The following NDUFS4 variants were observed in gnomAD, a reference collection of about 807,000 sequenced individuals.
NDUFS4 encodes the protein NADH dehydrogenase [ubiquinone] iron-sulfur protein 4, mitochondrial.
NDUFS4 carries 28 observed loss-of-function variants against 24.3 expected under a neutral mutation model. That is an observed-to-expected ratio of 1.15 (90% confidence interval 0.85 to 1.58). The LOEUF (loss-of-function observed/expected upper bound fraction) is 1.58. Ranked by LOEUF, NDUFS4 falls within the 40% of genes most tolerant of loss-of-function variation. The pLI is 0.00. For synonymous variants in NDUFS4, 93 were observed against 69.7 expected (o/e 1.34, Z -1.67); for missense variants, 223 against 207.9 (o/e 1.07, Z -0.45).
chr5:53,609,395 C>CT (rs1750629092), intron 2 of NDUFS4, among the ~76,000 whole-genome samples: 1 of 152,092 alleles, frequency 6.6e-6, no homozygotes, highest in African/African-American at 2.4e-5. Flanking sequence ...TGAAAATAAT[C>CT]TTTTTTTCTG....
intron 4 of NDUFS4, among the ~76,000 whole-genome samples, chr5:53,659,004 C>A (rs1310589361): frequency 6.6e-6 from 1 of 152,036 alleles, no homozygotes; most frequent in Non-Finnish European, 1.5e-5. Flanking sequence ...GTTCTTTCAG[C>A]CAAACGTAAT....
At chr5:53,646,053 A>G (rs1418597738) in intron 2 of NDUFS4, 180 bp from the exon 3 acceptor site, 3 of 553,520 alleles carry the variant, frequency 5.4e-6, no homozygotes, top group East Asian at 6.7e-5. Flanking sequence ...AACCATTTAC[A>G]GGTATCTAAA....
chr5:53,648,540 T>C (rs367953933), intron 3 of NDUFS4, among the ~76,000 whole-genome samples: 18 of 152,218 alleles, frequency 1.2e-4, no homozygotes, highest in Admixed American at 7.9e-4. Flanking sequence ...GATTTCCCAA[T>C]GCACCTTATT....
intron 4 of NDUFS4, among the ~76,000 whole-genome samples, chr5:53,678,287 G>C (rs1219124523): frequency 6.6e-6 from 1 of 152,134 alleles, no homozygotes; most frequent in Admixed American, 6.6e-5. Flanking sequence ...TGATACTAGG[G>C]CTTAAAGTTC....
intron 2 of NDUFS4, among the ~76,000 whole-genome samples, chr5:53,640,112 G>T (rs1027836234): frequency 1.6e-4 from 25 of 151,736 alleles, no homozygotes; most frequent in African/African-American, 6.0e-4. Flanking sequence ...AGCATTACGT[G>T]GTTGCTTTTG....
At chr5:53,663,538 T>C (rs975085811) in intron 4 of NDUFS4, among the ~76,000 whole-genome samples, 23 of 152,200 alleles carry the variant, frequency 1.5e-4, no homozygotes, top group African/African-American at 5.5e-4. Context: ...CATATATATT[T>C]AGGATAGTTA....
At chr5:53,606,025 A>G (rs1315023243) in intron 2 of NDUFS4, among the ~76,000 whole-genome samples, 1 of 143,522 alleles carries the variant, frequency 7.0e-6, no homozygotes, top group Non-Finnish European at 1.5e-5. Context: ...AAAAAAAAAA[A>G]AAAAAAAAAT....
chr5:53,665,724 C>T (rs1752493041), intron 4 of NDUFS4, among the ~76,000 whole-genome samples: 1 of 152,208 alleles, frequency 6.6e-6, no homozygotes, highest in Non-Finnish European at 1.5e-5. Flanking sequence ...TGCCATCTGT[C>T]ACCCCTTTCT....
chr5:53,668,450 C>T (rs1166153209), intron 4 of NDUFS4, among the ~76,000 whole-genome samples: 1 of 151,628 alleles, frequency 6.6e-6, no homozygotes, highest in East Asian at 1.9e-4. Context: ...TTCTGGAAAA[C>T]CTTTTTTTTG....
chr5:53,652,657 C>T (rs1458314433), intron 3 of NDUFS4, among the ~76,000 whole-genome samples: 1 of 152,110 alleles, frequency 6.6e-6, no homozygotes, highest in African/African-American at 2.4e-5. Flanking sequence ...TTTCTAAATT[C>T]ATATTTTAAA....
chr5:53,664,565 C>T (rs1231716706), intron 4 of NDUFS4, among the ~76,000 whole-genome samples: 1 of 152,114 alleles, frequency 6.6e-6, no homozygotes, highest in Non-Finnish European at 1.5e-5. Context: ...TCTCTTCTTG[C>T]TTCATTTCAT....
At chr5:53,659,279 T>C (rs1301749452) in intron 4 of NDUFS4, among the ~76,000 whole-genome samples, 1 of 152,208 alleles carries the variant, frequency 6.6e-6, no homozygotes, top group Admixed American at 6.5e-5. Flanking sequence ...TTTTTCCTTA[T>C]TTTCTGCTGT....
chr5:53,657,410 T>C (rs1227839714), intron 3 of NDUFS4, among the ~76,000 whole-genome samples: 1 of 152,188 alleles, frequency 6.6e-6, no homozygotes, highest in African/African-American at 2.4e-5. Flanking sequence ...ACCAGAACAT[T>C]GGCAGCAGTA....
intron 1 of NDUFS4, among the ~76,000 whole-genome samples, chr5:53,561,845 CGT>C (rs1218483848): frequency 6.6e-6 from 1 of 151,850 alleles, no homozygotes; most frequent in Non-Finnish European, 1.5e-5. Context: ...GAGAGTGTCC[CGT>C]AGGGTCCGTG....
chr5:53,606,249 A>G (rs1427931611), intron 2 of NDUFS4, among the ~76,000 whole-genome samples: 4 of 152,206 alleles, frequency 2.6e-5, no homozygotes, highest in Non-Finnish European at 5.9e-5. Flanking sequence ...TAATTGGCTC[A>G]TGGTCCTGCA....
At chr5:53,633,379 G>C (rs760927595) in intron 2 of NDUFS4, among the ~76,000 whole-genome samples, 3 of 152,050 alleles carry the variant, frequency 2.0e-5, no homozygotes, top group Non-Finnish European at 2.9e-5. Context: ...AGGATTTTTT[G>C]ACCTTTCCCT....
intron 1 of NDUFS4, among the ~76,000 whole-genome samples, chr5:53,594,189 G>A (rs142979764): frequency 6.6e-6 from 1 of 152,078 alleles, no homozygotes; most frequent in Non-Finnish European, 1.5e-5. Context: ...AGTTTCATCA[G>A]TGTTTGCATA....
At chr5:53,667,640 G>C (rs960409268) in intron 4 of NDUFS4, among the ~76,000 whole-genome samples, 1 of 152,066 alleles carries the variant, frequency 6.6e-6, no homozygotes, top group African/African-American at 2.4e-5. Context: ...TTTGTTGTCA[G>C]CTAGTGCTAT....
chr5:53,592,003 A>G (rs1049321171), intron 1 of NDUFS4, among the ~76,000 whole-genome samples: 17 of 151,806 alleles, frequency 1.1e-4, no homozygotes. Flanking sequence ...GTGTGGCGCA[A>G]TCTTGGCTCA....
Sources: allele counts gnomAD v4.1 joint callset (sites outside exome capture counted in the v4.1 genomes callset), GRCh38; gene constraint gnomAD v4.1.1; transcripts MANE v1.5; gene names NCBI Gene and HGNC (gene_info 2026-07-23, HGNC 2026-07-21).